EGFL6: variants seen among roughly 807,000 people sequenced by gnomAD.
The protein encoded by EGFL6 is epidermal growth factor-like protein 6.
EGFL6 carries 42 observed loss-of-function variants against 43.1 expected under a neutral mutation model. The observed-to-expected ratio is 0.98, with a 90% CI of 0.76 to 1.26. The LOEUF is 1.26. Among genes scored for constraint, EGFL6 ranks in the 50% most tolerant of loss-of-function variants. EGFL6 has a pLI of 0.00. For missense variants in EGFL6, 429 were observed against 427.8 expected, an observed-to-expected ratio of 1.00 and a Z score of -0.02; for synonymous variants, 164 against 163.2, an observed-to-expected ratio of 1.01 and a Z score of -0.04.
In EGFL6 at chrX:13,569,766, G is replaced by A. The variant is rs746330607; in HGVS notation, c.-96G>A. The A allele has an allele frequency of 1.1e-4, 100 of 878,098 alleles. No homozygotes were observed. The African/African-American group carries it at 1.9e-3, about 16-fold the overall frequency. The allele number at this position is 878,098 out of a possible 1,213,427, so 72.4% of individuals were successfully genotyped here. On this transcript the variant is annotated 5_prime_UTR_variant, in exon 1 of 12. Coordinates refer to ENST00000361306, the MANE Select transcript of EGFL6 (RefSeq NM_015507.4). Reference sequence around the variant, plus strand: ...GCGAGTGGAGCGGAGGACCCGAGCGGCTGAGGAGAGAGGAGGCGGCGGCTT... The same window carrying A: ...GCGAGTGGAGCGGAGGACCCGAGCGACTGAGGAGAGAGGAGGCGGCGGCTT...
intron 1 of EGFL6, among the ~76,000 whole-genome samples, chrX:13,584,487 A>G (rs932724367): frequency 2.7e-5 from 3 of 111,638 alleles, no homozygotes; most frequent in South Asian, 3.8e-4. Context: ...TGATTCCCAA[A>G]TATAGTTCTG....
intron 5 of EGFL6, among the ~76,000 whole-genome samples, chrX:13,605,956 G>C (rs2045657893): frequency 8.9e-6 from 1 of 112,013 alleles, no homozygotes; most frequent in Non-Finnish European, 1.9e-5. Flanking sequence ...CTGTGTGTTT[G>C]GTTTACTTAA....
intron 1 of EGFL6, among the ~76,000 whole-genome samples, chrX:13,580,365 G>T (rs5979913): frequency 0.045 from 5,052 of 111,369 alleles, 256 homozygotes; most frequent in African/African-American, 0.15. Context: ...ATTCTTGACC[G>T]ATTCATTGAG....
intron 4 of EGFL6, among the ~76,000 whole-genome samples, chrX:13,601,186 A>C (rs16999040): frequency 0.051 from 5,668 of 111,504 alleles, 341 homozygotes; most frequent in African/African-American, 0.17. Context: ...GATACATTTA[A>C]ATTCCTTCTC....
intron 5 of EGFL6, among the ~76,000 whole-genome samples, chrX:13,605,373 G>T (rs1026969287): frequency 1.8e-5 from 2 of 108,553 alleles, no homozygotes; most frequent in African/African-American, 6.7e-5. Flanking sequence ...AGGAGTTTGA[G>T]ACCAGCCTGA....
chrX:13,609,199 T>C (rs1311203201), intron 7 of EGFL6, among the ~76,000 whole-genome samples: 1 of 112,149 alleles, frequency 8.9e-6, no homozygotes, highest in South Asian at 3.7e-4. Context: ...CCCATCATTT[T>C]ATGGTACCAT....
chrX:13,589,502 T>A (rs766890227), intron 1 of EGFL6, 54 bp from the exon 2 acceptor site: 14 of 1,028,151 alleles, frequency 1.4e-5, no homozygotes, highest in South Asian at 1.2e-4. Flanking sequence ...TAGGGAAGAG[T>A]TTCTGTTGTC....
At chrX:13,617,623 T>C in intron 7 of EGFL6, 107 bp from the exon 8 acceptor site, 1 of 661,987 alleles carries the variant, frequency 1.5e-6, no homozygotes, top group African/African-American at 2.2e-5. Context: ...TGTGGGTTCA[T>C]TCTGGAAGCA....
rs183736759 is a variant in EGFL6, at chrX:13,584,169, A to C, written c.75-5387A>C. Among the ~76,000 whole-genome samples the C allele has an allele frequency of 9.8e-5, 11 of 112,034 alleles. No homozygotes were observed. The East Asian group carries it at 2.5e-3, about 26-fold the overall frequency. ...AAGACAAAGTAACTTGCTGAAGGTCAGAGTTAATATATAGTAGAGCCAGAA... is the reference window on the plus strand; with the variant it reads ...AAGACAAAGTAACTTGCTGAAGGTCCGAGTTAATATATAGTAGAGCCAGAA... On this transcript the variant is annotated intron_variant, in intron 1 of 11. Transcript: ENST00000361306.
intron 5 of EGFL6, 110 bp downstream of exon 5, chrX:13,603,546 T>C (rs188443557): frequency 1.2e-5 from 11 of 914,945 alleles, no homozygotes; most frequent in Non-Finnish European, 1.5e-5. Flanking sequence ...ATTGGAAACT[T>C]CTAAAAGTAC....
At chrX:13,578,733 A>G (rs2045488986) in intron 1 of EGFL6, among the ~76,000 whole-genome samples, 1 of 109,352 alleles carries the variant, frequency 9.1e-6, no homozygotes, top group Non-Finnish European at 1.9e-5. Flanking sequence ...GAACAATGAG[A>G]ACACTTGGAC....
chrX:13,575,099 C>G, intron 1 of EGFL6: 1 of 117,201 alleles, frequency 8.5e-6, no homozygotes, highest in Admixed American at 8.7e-5. Context: ...TAAAACTTGC[C>G]AAAGCTTATT....
At chrX:13,583,248 T>C (rs903251359) in intron 1 of EGFL6, among the ~76,000 whole-genome samples, 15 of 110,973 alleles carry the variant, frequency 1.4e-4, no homozygotes, top group African/African-American at 3.0e-4. Flanking sequence ...GCACAGGCTA[T>C]TTTTTCTGCC....
chrX:13,627,563 C>T (rs1050253082), intron 11 of EGFL6, among the ~76,000 whole-genome samples: 6 of 111,937 alleles, frequency 5.4e-5, no homozygotes, highest in African/African-American at 1.6e-4. Context: ...CTATACATTC[C>T]GTAGTATGTA....
chrX:13,632,881 G>T (rs1163602780), intron 11 of EGFL6, 104 bp from the exon 12 acceptor site: 3 of 742,982 alleles, frequency 4.0e-6, no homozygotes, highest in African/African-American at 4.3e-5. Context: ...GTCGAAGCCG[G>T]TTTCTATGAA....
At chrX:13,586,674 A>G (rs1330986580) in intron 1 of EGFL6, among the ~76,000 whole-genome samples, 2 of 111,859 alleles carry the variant, frequency 1.8e-5, no homozygotes, top group Non-Finnish European at 3.8e-5. Context: ...ATTTTGGAGG[A>G]CACAAACATT....
At chrX:13,595,048 C>T in intron 3 of EGFL6, 120 bp downstream of exon 3, 1 of 431,020 alleles carries the variant, frequency 2.3e-6, no homozygotes, top group Non-Finnish European at 3.7e-6. Context: ...AATGAAGGTG[C>T]TTTCAGGACA....
At chrX:13,589,092 C>G (rs1441184178) in intron 1 of EGFL6, among the ~76,000 whole-genome samples, 1 of 111,827 alleles carries the variant, frequency 8.9e-6, no homozygotes, top group Admixed American at 9.4e-5. Flanking sequence ...CTTTGCTGAA[C>G]GAGCCCTTCC....
In EGFL6 at chrX:13,629,417, AT is replaced by A. The variant is rs1359316837; in HGVS notation, c.1551+2151del. Among the ~76,000 whole-genome samples the A allele has an allele frequency of 2.3e-3, 248 of 109,008 alleles. 1 individual carries two copies. The highest frequency in any genetic ancestry group is 7.1e-3 in the African/African-American group (214 of 30,010). 94.7% of individuals were successfully genotyped at this position (109,008 alleles called of 115,157 possible). A position where few individuals can be genotyped will look rare whatever the true frequency, so the allele number is the denominator to read the frequency against. Reference sequence around the variant, plus strand: ...GGGAGGGTATACTAGCAAAACAGTGATTTTTTTTTTAAATGCACATTTCTGT... The same window carrying A: ...GGGAGGGTATACTAGCAAAACAGTGATTTTTTTTTAAATGCACATTTCTGT... On this transcript the variant is annotated intron_variant, in intron 11 of 11. Transcript: ENST00000361306.
Sources: gnomAD v4.1 joint callset for allele counts (sites outside exome capture counted in the v4.1 genomes callset) on GRCh38, gnomAD v4.1.1 for gene constraint, MANE v1.5 for transcripts, NCBI Gene and HGNC (gene_info 2026-07-23, HGNC 2026-07-21) for gene names.